The following CD302 variants were observed in gnomAD, a reference collection of about 807,000 sequenced individuals.
The protein encoded by CD302 is CD302 antigen.
Under a neutral mutation model 26.5 loss-of-function variants are expected in CD302, and 23 were observed. The observed-to-expected ratio is 0.87, with a 90% CI of 0.62 to 1.23. CD302 has a LOEUF of 1.23. Among genes scored for constraint, CD302 ranks in the 50% most tolerant of loss-of-function variants. The pLI is 0.00. For synonymous variants in CD302, 90 were observed against 99.4 expected, an observed-to-expected ratio of 0.91 and a Z score of 0.56; for missense variants, 290 against 275.5, an observed-to-expected ratio of 1.05 and a Z score of -0.37.
intron 1 of CD302, among the ~76,000 whole-genome samples, chr2:159,787,832 C>G (rs1424971859): frequency 6.6e-6 from 1 of 152,088 alleles, no homozygotes; most frequent in African/African-American, 2.4e-5. Flanking sequence ...ATAAATGTCT[C>G]CACCAGGCAC....
intron 2 of CD302, among the ~76,000 whole-genome samples, chr2:159,781,988 T>G (rs1302776421): frequency 6.6e-6 from 1 of 152,150 alleles, no homozygotes; most frequent in Non-Finnish European, 1.5e-5. Context: ...ACCTTTAGGC[T>G]GGGCATGGTG....
At chr2:159,776,738 T>A (rs1203321597) in intron 5 of CD302, among the ~76,000 whole-genome samples, 4 of 133,366 alleles carry the variant, frequency 3.0e-5, no homozygotes, top group African/African-American at 5.7e-5. Context: ...ATGGAGTCAC[T>A]CTGTCGCCGA....
chr2:159,784,887 T>C lies in CD302; in HGVS notation c.68-1418A>G, dbSNP rs570081033. 5.5e-3 allele frequency among the ~76,000 whole-genome samples: 839 copies of C among 151,986 alleles called. 6 individuals are homozygous for C. Among genetic ancestry groups the C allele is most frequent in the Non-Finnish European group, 9.6e-3 (650 of 67,976 alleles). On this transcript the variant is annotated intron_variant, in intron 1 of 5. Transcript: ENST00000259053. ...GCTTCGCAGTCTTATAACTTCTGGA[T>C]AATTAGGGTTTAGCAGAAGTGGAAT...
At chr2:159,788,085 A>G (rs1574499252) in intron 1 of CD302, among the ~76,000 whole-genome samples, 1 of 151,402 alleles carries the variant, frequency 6.6e-6, no homozygotes, top group East Asian at 1.9e-4. Context: ...CCAGCCTGAC[A>G]ACAGAGTGAG....
Position 159,771,729 on chromosome 2 carries a change from T to TA in CD302, c.*121dup. 2.6e-6 allele frequency: 3 copies of TA among 1,139,834 alleles called. No individual in the cohort carries two copies. The highest frequency in any genetic ancestry group is 3.7e-6 in the Non-Finnish European group (3 of 813,420). The allele number at this position is 1,139,834 out of a possible 1,614,324, so 70.6% of individuals were successfully genotyped here. A position where few individuals can be genotyped will look rare whatever the true frequency, so the allele number is the denominator to read the frequency against. On this transcript the variant is annotated 3_prime_UTR_variant, in exon 6 of 6. Transcript: ENST00000259053. ...ACAGCAGATGAGTACATAAAAATGTTACTGGAATAAGGAATACCATTAAAG... is the reference window on the plus strand; with the variant it reads ...ACAGCAGATGAGTACATAAAAATGTTAACTGGAATAAGGAATACCATTAAAG...
intron 1 of CD302, among the ~76,000 whole-genome samples, chr2:159,793,568 T>A (rs897486340): frequency 1.3e-5 from 2 of 152,198 alleles, no homozygotes; most frequent in Non-Finnish European, 2.9e-5. Context: ...TCCTCTCCCA[T>A]TAAGATATGA....
intron 3 of CD302, 101 bp downstream of exon 3, chr2:159,780,781 C>T: frequency 9.1e-7 from 1 of 1,093,046 alleles, no homozygotes; most frequent in Admixed American, 2.0e-5. Flanking sequence ...CTGGAGGCCA[C>T]AGGAATCATC....
intron 1 of CD302, among the ~76,000 whole-genome samples, chr2:159,786,161 C>T (rs141666943): frequency 6.6e-6 from 1 of 152,136 alleles, no homozygotes; most frequent in East Asian, 1.9e-4. Context: ...TTTTGGATTC[C>T]TAACACCTCA....
rs1484352645 is a variant in CD302 at position 159,769,618 on chromosome 2, C to CCA, written c.*2232_*2233insTG. The CCA allele has an allele frequency of 6.7e-6, 1 of 148,460 alleles. No individual in the cohort carries two copies. The highest frequency in any genetic ancestry group is 2.0e-4 in the East Asian group (1 of 5,106). The allele number at this position is 148,460 out of a possible 1,614,324, so 9.2% of individuals were successfully genotyped here. A position where few individuals can be genotyped will look rare whatever the true frequency, so the allele number is the denominator to read the frequency against. ...CCAAGATCGAGCCACTGCACTGTAG[C>CCA]CTGGGCAGCACAGTGAGACTCCATC... is the stretch of plus-strand genomic sequence containing the variant. On this transcript the variant is annotated 3_prime_UTR_variant, in exon 6 of 6. Transcript: ENST00000259053.
rs1484044982 is a variant in CD302 at position 159,770,817 on chromosome 2, AAC to A, written c.*1032_*1033del. 6.6e-6 allele frequency: 1 copy of A among 152,126 alleles called. No homozygotes were observed. Among genetic ancestry groups the A allele is most frequent in the Non-Finnish European group, 1.5e-5 (1 of 68,002 alleles). 9.4% of individuals were successfully genotyped at this position (152,126 alleles called of 1,614,324 possible). A position where few individuals can be genotyped will look rare whatever the true frequency, so the allele number is the denominator to read the frequency against. On this transcript the variant is annotated 3_prime_UTR_variant, in exon 6 of 6. Coordinates refer to ENST00000259053, the MANE Select transcript of CD302 (RefSeq NM_014880.5). ...AGCTGATTTTCACACAAGATTCCCTAACTATGCATTTCTTAGAACGTATCCCC... is the reference window on the plus strand; with the variant it reads ...AGCTGATTTTCACACAAGATTCCCTATATGCATTTCTTAGAACGTATCCCC...
intron 2 of CD302, 140 bp downstream of exon 2, chr2:159,783,219 T>G (rs1019198212): frequency 4.8e-6 from 3 of 623,122 alleles, no homozygotes; most frequent in Non-Finnish European, 7.9e-6. Context: ...CTGTAGCTTG[T>G]GTGTTGTCAA....
At chr2:159,792,522 G>A (rs1438004910) in intron 1 of CD302, among the ~76,000 whole-genome samples, 1 of 151,382 alleles carries the variant, frequency 6.6e-6, no homozygotes, top group East Asian at 1.9e-4. Flanking sequence ...AGAGGGAGGA[G>A]CAAACACAAT....
At position 159,780,041 on chromosome 2, in the gene CD302, C is replaced by CTG; in HGVS notation, c.432_433insCA (p.Val145GlnfsTer27). 6.2e-7 allele frequency: 1 copy of CTG among 1,614,086 alleles called. No individual in the cohort carries two copies. On this transcript the variant is annotated frameshift_variant, in exon 4 of 6. Coordinates refer to ENST00000259053, the MANE Select transcript of CD302 (RefSeq NM_014880.5). LOFTEE classifies it high-confidence loss of function. ...CATAGTGTTCCTTCCACAGAAGAAACTTCACAATTTCCTTTTTTCCATTCA... is the reference window on the plus strand; with the variant it reads ...CATAGTGTTCCTTCCACAGAAGAAACTGTTCACAATTTCCTTTTTTCCATTCA...
At chr2:159,788,160 G>GCTAT (rs1373697909) in intron 1 of CD302, among the ~76,000 whole-genome samples, 1 of 152,004 alleles carries the variant, frequency 6.6e-6, no homozygotes, top group South Asian at 2.1e-4. Context: ...ATGTTTGATG[G>GCTAT]CTATCTTTGC....
In CD302 at chr2:159,780,074, T is replaced by C; in HGVS notation, c.400A>G (p.Lys134Glu). 6.2e-7 allele frequency: 1 copy of C among 1,614,184 alleles called. No homozygotes were observed. The highest frequency in any genetic ancestry group is 8.5e-7 in the Non-Finnish European group (1 of 1,180,018). Residue 134 changes from lysine (K) to glutamate (E), a missense_variant, in exon 4 of 6, where the codon AAG (lysine) becomes GAG (glutamate). Coordinates refer to ENST00000259053, the MANE Select transcript of CD302 (RefSeq NM_014880.5). ...TTTCCTTTTTTCCATTCACCTGTCT[T>C]GATGTGCAGAAAAGCACAGGTGTCA... ...LVDTCAFLHIKTGEWKKGNCE... is the reference protein window; with the variant it reads ...LVDTCAFLHIETGEWKKGNCE...
chr2:159,771,668 T>TA lies in CD302; in HGVS notation c.*182dup. The TA allele has an allele frequency of 1.5e-6, 1 of 685,940 alleles. No individual in the cohort carries two copies. Among genetic ancestry groups the TA allele is most frequent in the Non-Finnish European group, 2.3e-6 (1 of 429,796 alleles). 42.5% of individuals were successfully genotyped at this position (685,940 alleles called of 1,614,324 possible). On this transcript the variant is annotated 3_prime_UTR_variant, in exon 6 of 6. Transcript: ENST00000259053. Reference sequence around the variant, plus strand: ...ACTATATTAGATCTAAGATCATTTCTAAAACCTGTTTTTTTAATGAACCTA... The same window carrying TA: ...ACTATATTAGATCTAAGATCATTTCTAAAAACCTGTTTTTTTAATGAACCTA...
At chr2:159,774,997 C>CA (rs1326526401) in intron 5 of CD302, among the ~76,000 whole-genome samples, 2 of 152,298 alleles carry the variant, frequency 1.3e-5, no homozygotes, top group African/African-American at 4.8e-5. Flanking sequence ...CTTCATTATG[C>CA]AAAATCATGG....
intron 1 of CD302, among the ~76,000 whole-genome samples, chr2:159,784,323 G>T (rs923725019): frequency 2.1e-5 from 3 of 143,446 alleles, no homozygotes; most frequent in Non-Finnish European, 3.0e-5. Flanking sequence ...TAAATATGTA[G>T]CAATTTTATG....
At chr2:159,775,868 C>T (rs1708299449) in intron 5 of CD302, among the ~76,000 whole-genome samples, 1 of 150,550 alleles carries the variant, frequency 6.6e-6, no homozygotes, top group African/African-American at 2.4e-5. Context: ...CAGAATTTGG[C>T]CTTTTATGAC....
Sources: allele counts gnomAD v4.1 joint callset (sites outside exome capture counted in the v4.1 genomes callset), GRCh38; gene constraint gnomAD v4.1.1; transcripts MANE v1.5; gene names NCBI Gene and HGNC (gene_info 2026-07-23, HGNC 2026-07-21).